Variants in TTLL9 observed in about 807,000 individuals in gnomAD.
The protein encoded by TTLL9 is probable tubulin polyglutamylase TTLL9.
In TTLL9, 47 loss-of-function variants were observed where a neutral mutation model predicts 65.6. That is an observed-to-expected ratio of 0.72 (90% CI 0.57 to 0.91). The LOEUF (loss-of-function observed/expected upper bound fraction) is 0.91, where lower values mean the gene tolerates loss of function less well. Among genes scored for constraint, TTLL9 ranks in the 40% least tolerant of loss-of-function variants. The probability of loss-of-function intolerance (pLI) is 0.00; values close to 1 mark genes in which losing one functional copy is unlikely to be tolerated. For missense variants in TTLL9, 537 were observed against 568.8 expected, an observed-to-expected ratio of 0.94 and a Z score of 0.57; for synonymous variants, 179 against 204.8, an observed-to-expected ratio of 0.87 and a Z score of 1.07.
intron 4 of TTLL9, among the ~76,000 whole-genome samples, chr20:31,907,596 C>T (rs2063576257): frequency 6.6e-6 from 1 of 152,010 alleles, no homozygotes; most frequent in South Asian, 2.1e-4. Context: ...TGGTGGGCAC[C>T]TGTAATCCCA....
At chr20:31,887,018 C>T (rs1210494192) in intron 2 of TTLL9, among the ~76,000 whole-genome samples, 178 bp from the exon 3 acceptor site, 1 of 152,160 alleles carries the variant, frequency 6.6e-6, no homozygotes, top group Non-Finnish European at 1.5e-5. Flanking sequence ...AAATTCTGGT[C>T]CATTTGCTGG....
In TTLL9 at chr20:31,942,985, C is replaced by T. The variant is rs1417588384; in HGVS notation, c.1284C>T (p.Phe428=). ...GGAAGAAACAACTGAGGCAGCTCTT[C>T]TGCTCCCTTCAAGTTCAGAAGAAAG... ...NDRKKQLRQL[F]CSLQVQKKAS... Residue 428 remains phenylalanine, a synonymous_variant, in exon 15 of 15, where the codon TTC becomes TTT. Transcript: ENST00000535842. 6.2e-7 allele frequency: 1 copy of T among 1,614,158 alleles called. No homozygotes were observed. Among genetic ancestry groups the T allele is most frequent in the Admixed American group, 1.7e-5 (1 of 60,030 alleles).
chr20:31,881,829 G>T (rs561104212), intron 2 of TTLL9, among the ~76,000 whole-genome samples: 1 of 152,162 alleles, frequency 6.6e-6, no homozygotes, highest in Non-Finnish European at 1.5e-5. Flanking sequence ...AAGGAAGGAC[G>T]AACTGCAGGT....
intron 2 of TTLL9, chr20:31,879,658 GGAAAA>G (rs111607393): frequency 6.3e-6 from 4 of 635,794 alleles, no homozygotes; most frequent in African/African-American, 1.8e-5. Context: ...AGGCGAGGCT[GGAAAA>G]GAAAGGTTGA....
intron 6 of TTLL9, 65 bp downstream of exon 6, chr20:31,909,987 G>C (rs956794876): frequency 1.3e-6 from 2 of 1,506,678 alleles, no homozygotes; most frequent in African/African-American, 2.8e-5. Context: ...GCAGGGATCA[G>C]GTGCAGACAC....
chr20:31,916,859 C>T lies in TTLL9; in HGVS notation c.505-3005C>T, dbSNP rs530914367. 1.1e-4 allele frequency among the ~76,000 whole-genome samples: 17 copies of T among 152,304 alleles called. No homozygotes were observed. In the Middle Eastern group the frequency reaches 0.01, roughly 91 times the overall value. On this transcript the variant is annotated intron_variant, in intron 6 of 14. Transcript: ENST00000535842. ...AAACATCTTTCCTGGAATCTCTGAG[C>T]AAATGTCTCCTTAGGTCTGATTGGC...
intron 7 of TTLL9, among the ~76,000 whole-genome samples, chr20:31,920,423 C>T (rs1453048070): frequency 6.6e-6 from 1 of 152,122 alleles, no homozygotes; most frequent in African/African-American, 2.4e-5. Flanking sequence ...ATTCTTGTCC[C>T]AAGACACAGT....
At chr20:31,930,499 T>A (rs899323998) in intron 10 of TTLL9, among the ~76,000 whole-genome samples, 10 of 152,242 alleles carry the variant, frequency 6.6e-5, no homozygotes, top group Non-Finnish European at 2.9e-5. Context: ...TTTTCTCTTT[T>A]ATGTCTGTCC....
In TTLL9 at chr20:31,943,003, G is replaced by C; in HGVS notation, c.1302G>C (p.Gln434His). 15 of 1,613,994 alleles carry C rather than the reference G, an allele frequency of 9.3e-6. No individual in the cohort carries two copies. Among genetic ancestry groups the C allele is most frequent in the Non-Finnish European group, 1.3e-5 (15 of 1,179,952 alleles). ...AGCTCTTCTGCTCCCTTCAAGTTCA[G>C]AAGAAAGCTTCCAGTTGATCCCCAG... ...LRQLFCSLQV[Q>H]KKASS is the part of the protein sequence containing the mutation. The change falls in exon 15 of 15, where the codon CAG (glutamine) becomes CAC (histidine). Residue 434 changes from glutamine to histidine, a missense_variant. Transcript: ENST00000535842.
intron 3 of TTLL9, among the ~76,000 whole-genome samples, chr20:31,891,423 C>T (rs779165283): frequency 1.9e-4 from 29 of 151,600 alleles, no homozygotes; most frequent in South Asian, 4.2e-4. Context: ...TTTGTCGTTT[C>T]GGGTCTATTG....
chr20:31,894,707 A>G (rs2063357222), intron 3 of TTLL9, among the ~76,000 whole-genome samples: 1 of 146,312 alleles, frequency 6.8e-6, no homozygotes. Context: ...CTTTATATAT[A>G]TATACATGTA....
At chr20:31,904,251 A>T (rs1365983621) in intron 4 of TTLL9, among the ~76,000 whole-genome samples, 3 of 152,118 alleles carry the variant, frequency 2.0e-5, no homozygotes, top group Non-Finnish European at 4.4e-5. Flanking sequence ...AACTTTTTTT[A>T]AAAATAATAA....
At chr20:31,935,046 G>A (rs1248938114) in intron 12 of TTLL9, among the ~76,000 whole-genome samples, 158 bp downstream of exon 12, 1 of 152,152 alleles carries the variant, frequency 6.6e-6, no homozygotes, top group Non-Finnish European at 1.5e-5. Context: ...AATGGGGTTG[G>A]TCATGACAGG....
At chr20:31,876,335 C>T (rs888509301) in intron 2 of TTLL9, among the ~76,000 whole-genome samples, 1 of 152,114 alleles carries the variant, frequency 6.6e-6, no homozygotes, top group African/African-American at 2.4e-5. Context: ...ATCCTAGCTA[C>T]TCGGGAGGCT....
At chr20:31,924,721 C>G (rs574614118) in intron 8 of TTLL9, among the ~76,000 whole-genome samples, 1 of 152,130 alleles carries the variant, frequency 6.6e-6, no homozygotes, top group East Asian at 1.9e-4. Flanking sequence ...GTAGCTGAGA[C>G]TACAGATGTG....
chr20:31,941,226 G>GAAAAAAAAAAAAAAAAAAAAAAAAA (rs138767749), intron 14 of TTLL9: 1 of 108,050 alleles, frequency 9.3e-6, no homozygotes, highest in Non-Finnish European at 2.0e-5. Flanking sequence ...CACAGAAAAA[G>GAAAAAAAAAAAAAAAAAAAAAAAAA]AAAAAAAAAA....
At chr20:31,925,156 T>G in intron 9 of TTLL9, 107 bp downstream of exon 9, 1 of 1,222,706 alleles carries the variant, frequency 8.2e-7, no homozygotes, top group South Asian at 1.2e-5. Flanking sequence ...CTTGTCTGGT[T>G]TTATCTCTCC....
intron 3 of TTLL9, 60 bp downstream of exon 3, chr20:31,887,299 C>G (rs1335209824): frequency 1.9e-6 from 3 of 1,539,642 alleles, no homozygotes; most frequent in Non-Finnish European, 2.7e-6. Flanking sequence ...CCTCCCTCCC[C>G]TTTTCAATCC....
In TTLL9 at chr20:31,943,200, C is replaced by T. The variant is rs1319724660; in HGVS notation, c.*179C>T. On this transcript the variant is annotated 3_prime_UTR_variant, in exon 15 of 15. Transcript: ENST00000535842. ...ATTGGGCCCCTTGGATACCTCCAGC[C>T]CATCCCCAGGCATCTTTGCACCAGG... 1.1e-5 allele frequency: 7 copies of T among 630,130 alleles called. No individual in the cohort carries two copies. In the Admixed American group the frequency reaches 1.8e-4, roughly 16 times the overall value. 39.0% of individuals were successfully genotyped at this position (630,130 alleles called of 1,614,324 possible). A position where few individuals can be genotyped will look rare whatever the true frequency, so the allele number is the denominator to read the frequency against.
Sources: allele counts gnomAD v4.1 joint callset (sites outside exome capture counted in the v4.1 genomes callset), GRCh38; gene constraint gnomAD v4.1.1; transcripts MANE v1.5; gene names NCBI Gene and HGNC (gene_info 2026-07-23, HGNC 2026-07-21).